Variants in ARVCF observed in about 807,000 individuals in gnomAD.
ARVCF encodes splicing regulator ARVCF.
In ARVCF, 66 loss-of-function variants were observed where a neutral mutation model predicts 90.9. The observed-to-expected ratio is 0.73, with a 90% CI of 0.60 to 0.89. The LOEUF (loss-of-function observed/expected upper bound fraction) is 0.89, where lower values mean the gene tolerates loss of function less well. Ranked by LOEUF, ARVCF falls within the 40% of genes least tolerant of loss-of-function variation. ARVCF has a pLI of 0.00. For synonymous variants in ARVCF, 653 were observed against 603.4 expected (o/e 1.08, Z -1.21); for missense variants, 1,469 against 1,382.3 (o/e 1.06, Z -1.00).
At chr22:20,012,257 T>C (rs1471286413) in intron 1 of ARVCF, among the ~76,000 whole-genome samples, 1 of 152,006 alleles carries the variant, frequency 6.6e-6, no homozygotes, top group Admixed American at 6.6e-5. Flanking sequence ...CCCCAGGAGA[T>C]GGGTGGGAGC....
Position 19,972,982 on chromosome 22 carries a change from G to C in ARVCF, c.2493C>G (p.Ser831Arg), listed in dbSNP as rs758107924. The C allele has an allele frequency of 1.9e-6, 3 of 1,613,606 alleles. No homozygotes were observed. Among genetic ancestry groups the C allele is most frequent in the East Asian group, 2.2e-5 (1 of 44,866 alleles). Residue 831 changes from serine to arginine, a missense_variant, in exon 15 of 20, where the codon AGC (serine) becomes AGG (arginine). Physicochemically the swap from Ser to Arg is moderately radical, Grantham distance 110. Coordinates refer to ENST00000263207, the MANE Select transcript of ARVCF (RefSeq NM_001670.3). Reference sequence around the variant, plus strand: ...GCAAGGTACCACGCAGCTCCTTGTAGCTCCACACTGTCTGCAGCACGTGTG... The same window carrying C: ...GCAAGGTACCACGCAGCTCCTTGTACCTCCACACTGTCTGCAGCACGTGTG... ...AASHVLQTVW[S>R]YKELRGTLQK...
In ARVCF at chr22:19,972,820, G is replaced by A; in HGVS notation, c.2558C>T (p.Ala853Val). 4 of 1,613,586 alleles carry A rather than the reference G, an allele frequency of 2.5e-6. No individual in the cohort carries two copies. The highest frequency in any genetic ancestry group is 3.4e-6 in the Non-Finnish European group (4 of 1,179,794). The change falls in exon 16 of 20, where the codon GCT becomes GTT. Residue 853 changes from alanine to valine, a missense_variant. Physicochemically the swap from Ala to Val is moderately conservative, Grantham distance 64. Coordinates refer to ENST00000263207, the MANE Select transcript of ARVCF (RefSeq NM_001670.3). Reference protein sequence around the residue: ...GWTKARFQSAAATAKGPKGAL... With the variant: ...GWTKARFQSAVATAKGPKGAL... ...TCCCTTAGGCCCCTTGGCAGTAGCA[G>A]CAGCTGACTGAGACATAAAACACAG... is the stretch of plus-strand genomic sequence containing the variant.
Position 20,016,787 on chromosome 22 carries a change from C to G in ARVCF, c.-271G>C, listed in dbSNP as rs1426409645. 6.6e-6 allele frequency: 1 copy of G among 151,514 alleles called. No individual in the cohort carries two copies. The highest frequency in any genetic ancestry group is 1.5e-5 in the Non-Finnish European group (1 of 67,804). 9.4% of individuals were successfully genotyped at this position (151,514 alleles called of 1,614,324 possible). ...CAGGCCCAGCGCGCAACCCGAGACC[C>G]CGGGCCAGCCCTCCCGCCCTCACGC... On this transcript the variant is annotated 5_prime_UTR_variant, in exon 1 of 20. Coordinates refer to ENST00000263207, the MANE Select transcript of ARVCF (RefSeq NM_001670.3).
chr22:19,973,929 C>T (rs1252097148), intron 12 of ARVCF, 136 bp from the exon 13 acceptor site: 2 of 1,476,052 alleles, frequency 1.4e-6, no homozygotes, highest in African/African-American at 2.8e-5. Flanking sequence ...TCAACGGCAC[C>T]TCCACCGAGG....
intron 2 of ARVCF, among the ~76,000 whole-genome samples, chr22:20,008,230 C>G (rs1004093304): frequency 1.3e-5 from 2 of 152,160 alleles, no homozygotes; most frequent in African/African-American, 4.8e-5. Context: ...CCGCAGGAGA[C>G]GAAGCCGCAA....
chr22:19,996,428 C>T (rs573753321), intron 2 of ARVCF, among the ~76,000 whole-genome samples: 1 of 152,244 alleles, frequency 6.6e-6, no homozygotes, highest in South Asian at 2.1e-4. Context: ...GCGTTACTCG[C>T]AGACCATGAC....
At chr22:19,980,986 C>T (rs1943459371) in intron 5 of ARVCF, 1 of 559,304 alleles carries the variant, frequency 1.8e-6, no homozygotes, top group Non-Finnish European at 3.0e-6. Flanking sequence ...GGCCGGCACT[C>T]TTCCCAGCTT....
chr22:19,971,974 G>A lies in ARVCF; in HGVS notation c.2696-3C>T. ...CCGGTCCACCGTGGAGTATCCGTCT[G>A]TAGATGGGGTAAGGTGGGGCATGAG... On this transcript the variant is annotated splice_region_variant and splice_polypyrimidine_tract_variant and intron_variant, in intron 17 of 19. Transcript: ENST00000263207. 1 of 1,607,592 alleles carries A rather than the reference G, an allele frequency of 6.2e-7. No individual in the cohort carries two copies. The highest frequency in any genetic ancestry group is 8.5e-7 in the Non-Finnish European group (1 of 1,177,136).
chr22:19,980,926 C>CCCTTGTCA (rs1426573821), intron 5 of ARVCF: 1 of 429,076 alleles, frequency 2.3e-6, no homozygotes, highest in African/African-American at 2.0e-5. Flanking sequence ...GTGACAAGGG[C>CCCTTGTCA]CAGGGCTCTG....
chr22:20,001,587 T>C (rs1944447651), intron 2 of ARVCF, among the ~76,000 whole-genome samples: 1 of 152,156 alleles, frequency 6.6e-6, no homozygotes, highest in African/African-American at 2.4e-5. Flanking sequence ...GAGGATCACC[T>C]GAGGTTGGGA....
In ARVCF at chr22:19,979,989, G is replaced by A; in HGVS notation, c.1150C>T (p.His384Tyr). The change falls in exon 6 of 20, where the codon CAT becomes TAT. Residue 384 changes from histidine (H) to tyrosine (Y), a missense_variant. By Grantham distance (83) the His-to-Tyr change is moderately conservative (BLOSUM62 2). Coordinates refer to ENST00000263207, the MANE Select transcript of ARVCF (RefSeq NM_001670.3). ...ACACCCTCGTTCTCAAAGCACAGATGCTGCAGGTAGGCGGCCGCATTGGCC... is the reference window on the plus strand; with the variant it reads ...ACACCCTCGTTCTCAAAGCACAGATACTGCAGGTAGGCGGCCGCATTGGCC... ...VKANAAAYLQ[H>Y]LCFENEGVKR... 1 of 1,595,876 alleles carries A rather than the reference G, an allele frequency of 6.3e-7. No homozygotes were observed. The highest frequency in any genetic ancestry group is 8.5e-7 in the Non-Finnish European group (1 of 1,171,822).
At chr22:19,972,586 G>C in intron 16 of ARVCF, 151 bp downstream of exon 16, 3 of 1,137,138 alleles carry the variant, frequency 2.6e-6, no homozygotes, top group Non-Finnish European at 3.7e-6. Flanking sequence ...GCTGTGGGAA[G>C]GGAGTAGCCA....
At chr22:19,976,748 A>AG (rs766289352) in intron 9 of ARVCF, 25 bp from the exon 10 acceptor site, 29 of 1,557,792 alleles carry the variant, frequency 1.9e-5, no homozygotes, top group African/African-American at 2.7e-5. Context: ...GAAGCAGAGG[A>AG]GAGAGGAGAG....
At chr22:19,990,496 G>A (rs1234315674) in intron 3 of ARVCF, 89 bp downstream of exon 3, 10 of 1,425,966 alleles carry the variant, frequency 7.0e-6, no homozygotes, top group Non-Finnish European at 6.7e-6. Context: ...TGCAATAAGC[G>A]AGCGCATGCT....
rs751820280 is a variant in ARVCF, at chr22:19,975,772, T to C, written c.1889-15A>G. On this transcript the variant is annotated splice_polypyrimidine_tract_variant and intron_variant, in intron 10 of 19. Coordinates refer to ENST00000263207, the MANE Select transcript of ARVCF (RefSeq NM_001670.3). ...ATCCTTCTTTCCTGGAAGGGAAAGG[T>C]GGTGGGAGGTGAGGCAGACCCCATA... 1.1e-5 allele frequency: 18 copies of C among 1,612,670 alleles called. No homozygotes were observed. The highest frequency in any genetic ancestry group is 2.7e-5 in the African/African-American group (2 of 74,818).
intron 16 of ARVCF, 137 bp from the exon 17 acceptor site, chr22:19,972,548 C>A: frequency 8.1e-7 from 1 of 1,238,400 alleles, no homozygotes; most frequent in Non-Finnish European, 1.1e-6. Flanking sequence ...AGCTGGCAGC[C>A]TCACCCCAGC....
chr22:19,988,846 T>C (rs2074522525), intron 3 of ARVCF, among the ~76,000 whole-genome samples: 1 of 142,140 alleles, frequency 7.0e-6, no homozygotes, highest in South Asian at 2.2e-4. Flanking sequence ...CCTGAGAAAA[T>C]CAAGGGTAGG....
intron 2 of ARVCF, among the ~76,000 whole-genome samples, chr22:20,009,952 C>G (rs1944765708): frequency 1.3e-5 from 2 of 152,210 alleles, no homozygotes. Context: ...GACCATAAGG[C>G]CTGCAAAATT....
intron 2 of ARVCF, among the ~76,000 whole-genome samples, chr22:19,999,378 C>T (rs952085802): frequency 6.6e-6 from 1 of 152,204 alleles, no homozygotes; most frequent in Non-Finnish European, 1.5e-5. Flanking sequence ...AGAGATCCAT[C>T]CTTTTGTAGG....
Sources: allele counts gnomAD v4.1 joint callset (sites outside exome capture counted in the v4.1 genomes callset), GRCh38; gene constraint gnomAD v4.1.1; transcripts MANE v1.5; gene names NCBI Gene and HGNC (gene_info 2026-07-23, HGNC 2026-07-21).